The following DND1 variants were observed in gnomAD, a reference collection of about 807,000 sequenced individuals.
DND1 encodes the protein DND microRNA-mediated repression inhibitor 1, also known as dead end protein homolog 1.
DND1 carries 6 observed loss-of-function variants against 30.4 expected under a neutral mutation model. The observed-to-expected ratio is 0.20, with a 90% CI of 0.11 to 0.39. The LOEUF is 0.39. Among genes scored for constraint, DND1 ranks in the 10% least tolerant of loss-of-function variants. The pLI, the probability that DND1 is intolerant of heterozygous loss-of-function variation, is 1.00. For missense variants in DND1, 358 were observed against 474.9 expected (o/e 0.75, Z 2.29); for synonymous variants, 178 against 210.4 (o/e 0.85, Z 1.33).
Position 140,672,464 on chromosome 5 carries a change from G to A in DND1, c.585C>T (p.Ala195=), listed in dbSNP as rs373809626. The change falls in exon 3 of 4, where the codon GCC becomes GCT. Residue 195 remains alanine, a synonymous_variant. Coordinates refer to ENST00000542735, the MANE Select transcript of DND1 (RefSeq NM_194249.3). ...GCCTACCTTCCACCAGGGCCTTTTT[G>A]GCCATGGCAGCGGCCCGGTGCGAGC... ...KFSSHRAAAM[A]KKALVEGQSH... is the part of the protein sequence containing the mutation. 9.3e-6 allele frequency: 15 copies of A among 1,604,362 alleles called. No homozygotes were observed. The highest frequency in any genetic ancestry group is 9.3e-5 in the African/African-American group (7 of 74,914).
At chr5:140,673,074 G>A (rs554370294) in intron 2 of DND1, 168 bp from the exon 3 acceptor site, 2 of 1,008,216 alleles carry the variant, frequency 2.0e-6, no homozygotes, top group East Asian at 2.4e-5. Flanking sequence ...TAACAAGGGG[G>A]CTGGCACAGA....
Position 140,673,526 on chromosome 5 carries a change from T to C in DND1, c.17A>G (p.Asp6Gly). 3 of 1,589,438 alleles carry C rather than the reference T, an allele frequency of 1.9e-6. 1 individual carries two copies. Residue 6 changes from aspartate (D) to glycine (G), a missense_variant, in exon 1 of 4, where the codon GAT becomes GGT. Asp to Gly is a moderately conservative substitution (Grantham distance 94). This residue lies in a region of DND1 where 120 missense variants were observed against 199.1 expected (regional missense o/e 0.60). Coordinates refer to ENST00000542735, the MANE Select transcript of DND1 (RefSeq NM_194249.3). ...AAGTCGCCAGCCGCTTACCTCACAA[T>C]CCCGCTTGGACTGCATGGCTCTCCA... MQSKR[D>G]CELWCERVNP...
At chr5:140,673,230 C>T in intron 2 of DND1, 41 bp downstream of exon 2, 1 of 1,600,624 alleles carries the variant, frequency 6.2e-7, no homozygotes, top group Non-Finnish European at 8.6e-7. Flanking sequence ...CCAAAGGGGG[C>T]TGGTGTAGCC....
chr5:140,671,200 G>C lies in DND1; in HGVS notation c.*93C>G. 2 of 1,526,282 alleles carry C rather than the reference G, an allele frequency of 1.3e-6. No homozygotes were observed. The highest frequency in any genetic ancestry group is 4.5e-5 in the East Asian group (2 of 44,292). The allele number at this position is 1,526,282 out of a possible 1,614,324, so 94.5% of individuals were successfully genotyped here. ...TGGGCCCATGCCCCTCCCCACCTTT[G>C]GGGGTCAGAAAGTGGCCACCCAGGC... is the stretch of plus-strand genomic sequence containing the variant. On this transcript the variant is annotated 3_prime_UTR_variant, in exon 4 of 4. Coordinates refer to ENST00000542735, the MANE Select transcript of DND1 (RefSeq NM_194249.3).
intron 2 of DND1, 36 bp downstream of exon 2, chr5:140,673,235 G>A: frequency 6.2e-7 from 1 of 1,606,460 alleles, no homozygotes; most frequent in Non-Finnish European, 8.5e-7. Flanking sequence ...GGGGGCTGGT[G>A]TAGCCGGACA....
intron 3 of DND1, chr5:140,672,056 G>C: frequency 1.8e-6 from 1 of 564,976 alleles, no homozygotes; most frequent in Non-Finnish European, 3.2e-6. Context: ...AGTGTGCTAA[G>C]TACCGTACAC....
At chr5:140,673,004 G>C in intron 2 of DND1, 98 bp from the exon 3 acceptor site, 2 of 1,377,706 alleles carry the variant, frequency 1.5e-6, no homozygotes, top group South Asian at 1.2e-5. Flanking sequence ...TGTGAACAAA[G>C]GTCTGTGAAA....
intron 3 of DND1, 22 bp downstream of exon 3, chr5:140,672,423 C>T (rs1211785905): frequency 6.3e-7 from 1 of 1,575,848 alleles, no homozygotes; most frequent in South Asian, 1.2e-5. Flanking sequence ...TGGCCCCAAC[C>T]AGCACCCCCG....
Position 140,671,135 on chromosome 5 carries a change from G to T in DND1, c.*158C>A. 2.2e-6 allele frequency: 2 copies of T among 908,540 alleles called. No individual in the cohort carries two copies. Among genetic ancestry groups the T allele is most frequent in the South Asian group, 3.2e-5 (2 of 63,324 alleles). The allele number at this position is 908,540 out of a possible 1,614,324, so 56.3% of individuals were successfully genotyped here. A position where few individuals can be genotyped will look rare whatever the true frequency, so the allele number is the denominator to read the frequency against. The stretch of plus-strand genomic sequence containing the variant: ...TAACCCAAACCTAAGCTGCCCCCAG[G>T]TGCCATAGGTCCCTGTCCCAGCAGG... On this transcript the variant is annotated 3_prime_UTR_variant, in exon 4 of 4. Transcript: ENST00000542735.
chr5:140,671,980 G>C, intron 3 of DND1: 1 of 608,548 alleles, frequency 1.6e-6, no homozygotes, highest in Non-Finnish European at 2.9e-6. Flanking sequence ...TTAATTGCAG[G>C]CTTTGTCTGC....
rs1181773883 is a variant in DND1 at position 140,670,853 on chromosome 5, C to T, written c.*440G>A. The T allele has an allele frequency of 8.0e-6, 2 of 250,062 alleles. No individual in the cohort carries two copies. The highest frequency in any genetic ancestry group is 5.2e-5 in the South Asian group (1 of 19,186). 15.5% of individuals were successfully genotyped at this position (250,062 alleles called of 1,614,324 possible). A position where few individuals can be genotyped will look rare whatever the true frequency, so the allele number is the denominator to read the frequency against. On this transcript the variant is annotated 3_prime_UTR_variant, in exon 4 of 4. Transcript: ENST00000542735. The stretch of plus-strand genomic sequence containing the variant: ...CAGCATAGAAAGACCCAAAACTATA[C>T]AGAAACCAAAACCAGAATGCCATGT...
At position 140,670,880 on chromosome 5, in the gene DND1, G is replaced by T. The variant is rs1758056006; in HGVS notation, c.*413C>A. 1 of 263,658 alleles carries T rather than the reference G, an allele frequency of 3.8e-6. No homozygotes were observed. The highest frequency in any genetic ancestry group is 2.2e-5 in the African/African-American group (1 of 45,238). The allele number at this position is 263,658 out of a possible 1,614,324, so 16.3% of individuals were successfully genotyped here. ...GAAACCAAAACCAGAATGCCATGTG[G>T]TGGAGGCAAAGGGCAGAATTTCTGA... On this transcript the variant is annotated 3_prime_UTR_variant, in exon 4 of 4. Transcript: ENST00000542735.
chr5:140,671,724 C>A lies in DND1; in HGVS notation c.631G>T (p.Val211Leu), dbSNP rs1758080173. The A allele has an allele frequency of 6.3e-7, 1 of 1,579,212 alleles. No homozygotes were observed. Among genetic ancestry groups the A allele is most frequent in the Non-Finnish European group, 8.6e-7 (1 of 1,162,090 alleles). The change falls in exon 4 of 4, where the codon GTG (valine) becomes TTG (leucine). Residue 211 changes from valine to leucine, a missense_variant. Physicochemically the swap from Val to Leu is conservative, Grantham distance 32. This residue lies in a region of DND1 where 176 missense variants were observed against 235.2 expected (regional missense o/e 0.75). Transcript: ENST00000542735. Reference protein sequence around the residue: ...EGQSHLCGEQVAVEWLKPDLK... With the variant: ...EGQSHLCGEQLAVEWLKPDLK... ...TCTGGCTTGAGCCACTCCACAGCCA[C>A]CTGCTCTCCACAGAGGTGTGACTGC... is the stretch of plus-strand genomic sequence containing the variant.
At chr5:140,673,177 A>G in intron 2 of DND1, 94 bp downstream of exon 2, 3 of 1,367,988 alleles carry the variant, frequency 2.2e-6, no homozygotes, top group Non-Finnish European at 3.1e-6. Context: ...AAATCCGGGT[A>G]GTTCGCAGTT....
Position 140,671,653 on chromosome 5 carries a change from C to T in DND1, c.702G>A (p.Arg234=), listed in dbSNP as rs758305425. 4 of 1,581,046 alleles carry T rather than the reference C, an allele frequency of 2.5e-6. No homozygotes were observed. Among genetic ancestry groups the T allele is most frequent in the Non-Finnish European group, 3.4e-6 (4 of 1,163,824 alleles). The change falls in exon 4 of 4, where the codon CGG becomes CGA. Residue 234 remains arginine (R), a synonymous_variant. Coordinates refer to ENST00000542735, the MANE Select transcript of DND1 (RefSeq NM_194249.3). ...ACTGGCTGCCCTCTGGCTGTGGGGA[C>T]CGCAAGAAGGGACCCACAAGCTGCT... ...LRQQLVGPFL[R]SPQPEGSQLA...
At chr5:140,672,362 C>G (rs1758105139) in intron 3 of DND1, 83 bp downstream of exon 3, 1 of 1,410,760 alleles carries the variant, frequency 7.1e-7, no homozygotes, top group Non-Finnish European at 9.6e-7. Context: ...ACTCTAAGAT[C>G]TTGTAACTTT....
rs781115264 is a variant in DND1, at chr5:140,673,254, G to A, written c.142+17C>T. On this transcript the variant is annotated intron_variant, in intron 2 of 3. Transcript: ENST00000542735. ...GCTGGTGTAGCCGGACAGGCGGAGG[G>A]GCTGGGACTACCGTACCTGGGGGTG... 45 of 1,612,038 alleles carry A rather than the reference G, an allele frequency of 2.8e-5. 2 individuals carry two copies. In the Middle Eastern group the frequency reaches 1.5e-3, roughly 53 times the overall value.
At chr5:140,671,816 C>T (rs1310522801) in intron 3 of DND1, 66 bp from the exon 4 acceptor site, 1 of 1,505,868 alleles carries the variant, frequency 6.6e-7, no homozygotes, top group Non-Finnish European at 9.0e-7. Flanking sequence ...GGTGGTGAGC[C>T]CTTTGGAGCT....
intron 2 of DND1, 79 bp from the exon 3 acceptor site, chr5:140,672,985 G>A (rs1239104401): frequency 1.4e-6 from 2 of 1,460,034 alleles, no homozygotes; most frequent in East Asian, 2.5e-5. Context: ...GCGCGGGGGT[G>A]GGAGGCGATG....
Sources: gnomAD v4.1 joint callset for allele counts on GRCh38, gnomAD v4.1.1 for gene constraint, gnomAD v4.1.1 regional missense constraint, MANE v1.5 for transcripts, NCBI Gene and HGNC (gene_info 2026-07-23, HGNC 2026-07-21) for gene names.